SNX18: variants seen among roughly 807,000 people sequenced by gnomAD.
SNX18 encodes sorting nexin-18.
A neutral mutation model predicts 48.7 loss-of-function variants in SNX18; 35 were observed. That is an observed-to-expected ratio of 0.72 (90% CI 0.55 to 0.95). The LOEUF is 0.95. Among genes scored for constraint, SNX18 ranks in the 40% least tolerant of loss-of-function variants. SNX18 has a pLI of 0.00. For missense variants in SNX18, 824 were observed against 871.0 expected (o/e 0.95, Z 0.68); for synonymous variants, 492 against 384.7 (o/e 1.28, Z -3.26).
the SNX18 span, among the ~76,000 whole-genome samples, chr5:54,568,427 C>A: frequency 6.6e-6 from 1 of 152,306 alleles, no homozygotes; most frequent in Non-Finnish European, 1.5e-5. Context: ...GGCAAGGATG[C>A]AACGGCACCC....
the SNX18 span, among the ~76,000 whole-genome samples, chr5:54,611,613 A>G: frequency 5.9e-5 from 9 of 152,268 alleles, 1 homozygote; most frequent in East Asian, 7.7e-4. Context: ...ACTGATTCCT[A>G]GTTTGTCTTT....
chr5:54,598,368 T>A, the SNX18 span, among the ~76,000 whole-genome samples: 5 of 152,102 alleles, frequency 3.3e-5, no homozygotes, highest in Non-Finnish European at 7.4e-5. Context: ...AAGGAGGGAC[T>A]CCTCCCTAAC....
chr5:54,597,421 C>T, the SNX18 span, among the ~76,000 whole-genome samples: 2 of 152,262 alleles, frequency 1.3e-5, no homozygotes, highest in South Asian at 4.2e-4. Flanking sequence ...GATCTTTCCA[C>T]CCCAGAAGGA....
At chr5:54,578,062 G>A in the SNX18 span, among the ~76,000 whole-genome samples, 1 of 152,168 alleles carries the variant, frequency 6.6e-6, no homozygotes, top group Non-Finnish European at 1.5e-5. Context: ...TCTTCAAGGT[G>A]GGGGGCTTGT....
chr5:54,636,399 T>A, the SNX18 span, among the ~76,000 whole-genome samples: 1 of 152,056 alleles, frequency 6.6e-6, no homozygotes, highest in African/African-American at 2.4e-5. Context: ...CATTTTGCTA[T>A]GGGGAGAAAA....
chr5:54,557,068 C>A, the SNX18 span, among the ~76,000 whole-genome samples: 1 of 152,130 alleles, frequency 6.6e-6, no homozygotes, highest in Non-Finnish European at 1.5e-5. Context: ...AGTTGATCAG[C>A]AAAGATACAG....
At chr5:54,526,928 G>A (rs1561115981) in intron 1 of SNX18, among the ~76,000 whole-genome samples, 1 of 151,918 alleles carries the variant, frequency 6.6e-6, no homozygotes, top group Admixed American at 6.6e-5. Context: ...AATCACTCTG[G>A]AGTCAGGAGA....
the SNX18 span, among the ~76,000 whole-genome samples, chr5:54,601,468 C>T: frequency 6.6e-6 from 1 of 152,148 alleles, no homozygotes; most frequent in Non-Finnish European, 1.5e-5. Flanking sequence ...CTTTGTTTTA[C>T]TGCTTGCTTT....
the SNX18 span, among the ~76,000 whole-genome samples, chr5:54,604,204 GAC>G: frequency 1.3e-5 from 2 of 152,184 alleles, no homozygotes; most frequent in East Asian, 3.8e-4. Context: ...TGATCCAGCT[GAC>G]AGTGTGGTGT....
the SNX18 span, among the ~76,000 whole-genome samples, chr5:54,589,063 TA>T: frequency 7.9e-5 from 12 of 152,298 alleles, no homozygotes; most frequent in Non-Finnish European, 1.3e-4. Flanking sequence ...TCTTATCTTA[TA>T]GAAGGTTGAA....
chr5:54,577,167 C>G, the SNX18 span, among the ~76,000 whole-genome samples: 1 of 152,072 alleles, frequency 6.6e-6, no homozygotes, highest in Non-Finnish European at 1.5e-5. Context: ...TTTCAAAACT[C>G]TAATTCCATC....
the SNX18 span, among the ~76,000 whole-genome samples, chr5:54,604,847 T>C: frequency 2.0e-5 from 3 of 152,190 alleles, no homozygotes; most frequent in Admixed American, 1.3e-4. Context: ...TGACTGGATA[T>C]TGATTTTAGA....
rs1473083188 is a variant in SNX18, at chr5:54,518,228, G to GC, written c.282dup (p.Ala95ArgfsTer8). 2.1e-6 allele frequency: 3 copies of GC among 1,409,028 alleles called. No homozygotes were observed. Among genetic ancestry groups the GC allele is most frequent in the Non-Finnish European group, 2.7e-6 (3 of 1,090,994 alleles). 87.3% of individuals were successfully genotyped at this position (1,409,028 alleles called of 1,614,324 possible). A position where few individuals can be genotyped will look rare whatever the true frequency, so the allele number is the denominator to read the frequency against. On this transcript the variant is annotated frameshift_variant, in exon 1 of 2. Transcript: ENST00000381410. LOFTEE classifies it high-confidence loss of function. ...GGGGCTTCGAGCCCCTGCCTGTCGC[G>GC]CCCCCCGCCTCCTTCAAGCCGCCGC...
chr5:54,641,585 G>A, the SNX18 span, among the ~76,000 whole-genome samples: 14 of 152,034 alleles, frequency 9.2e-5, no homozygotes, highest in Non-Finnish European at 1.9e-4. Flanking sequence ...GGTTTTGAGC[G>A]TGCACTACAG....
At chr5:54,615,030 A>G in the SNX18 span, among the ~76,000 whole-genome samples, 1 of 152,184 alleles carries the variant, frequency 6.6e-6, no homozygotes, top group Non-Finnish European at 1.5e-5. Flanking sequence ...ACTCTAGGAA[A>G]CATACTCCTT....
At position 54,518,497 on chromosome 5, in the gene SNX18, C is replaced by T. The variant is rs772468818; in HGVS notation, c.545C>T (p.Ser182Leu). ...GSGAYPDLDG[S>L]SSAGVGAAGR... ...GGAGCATACCCGGACCTCGACGGCT[C>T]GTCTTCGGCGGGTGTGGGCGCAGCC... The change falls in exon 1 of 2, where the codon TCG (serine) becomes TTG (leucine). Residue 182 changes from serine (S) to leucine (L), a missense_variant. Transcript: ENST00000381410. 5.1e-6 allele frequency: 8 copies of T among 1,568,890 alleles called. No individual in the cohort carries two copies. The highest frequency in any genetic ancestry group is 4.8e-5 in the East Asian group (2 of 42,096).
chr5:54,583,070 A>G, the SNX18 span, among the ~76,000 whole-genome samples: 1 of 152,184 alleles, frequency 6.6e-6, no homozygotes, highest in African/African-American at 2.4e-5. Context: ...ATTATTCACC[A>G]TTGTATGTGC....
the SNX18 span, among the ~76,000 whole-genome samples, chr5:54,560,879 G>T: frequency 2.0e-5 from 3 of 152,190 alleles, no homozygotes; most frequent in Non-Finnish European, 4.4e-5. Flanking sequence ...TACAAGGAGA[G>T]AGAGTGGCAC....
chr5:54,536,433 A>C (rs1182283804), intron 1 of SNX18, among the ~76,000 whole-genome samples: 1 of 125,626 alleles, frequency 8.0e-6, no homozygotes, highest in African/African-American at 3.1e-5. Flanking sequence ...TCCTGTGTCC[A>C]AGTGTTCTCA....
Sources: allele counts gnomAD v4.1 joint callset (sites outside exome capture counted in the v4.1 genomes callset), GRCh38; gene constraint gnomAD v4.1.1; transcripts MANE v1.5; gene names NCBI Gene and HGNC (gene_info 2026-07-23, HGNC 2026-07-21).